Variants in CSMD2 observed in about 807,000 individuals in gnomAD.
CSMD2 encodes CUB and sushi domain-containing protein 2.
A neutral mutation model predicts 398.5 loss-of-function variants in CSMD2; 130 were observed. The observed-to-expected ratio is 0.33, with a 90% CI of 0.28 to 0.38. The LOEUF (loss-of-function observed/expected upper bound fraction) is 0.38. Among genes scored for constraint, CSMD2 ranks in the 10% least tolerant of loss-of-function variants. CSMD2 has a pLI of 1.00. For missense variants in CSMD2, 3,829 were observed against 4,764.9 expected, an observed-to-expected ratio of 0.80 and a Z score of 5.78; for synonymous variants, 1,828 against 1,908.5, an observed-to-expected ratio of 0.96 and a Z score of 1.10.
chr1:33,838,722 T>A (rs1202428520), intron 6 of CSMD2: 1 of 152,282 alleles, frequency 6.6e-6, no homozygotes, highest in Non-Finnish European at 1.5e-5. Context: ...TGAACAGAGA[T>A]AGGGAAGCCT....
At chr1:33,847,181 C>T (rs1281566785) in intron 5 of CSMD2, among the ~76,000 whole-genome samples, 185 bp from the exon 6 acceptor site, 1 of 152,126 alleles carries the variant, frequency 6.6e-6, no homozygotes, top group East Asian at 1.9e-4. Flanking sequence ...GAGATGGCTC[C>T]TCCAGGGTCT....
At chr1:33,918,981 T>A (rs1044627553) in intron 4 of CSMD2, among the ~76,000 whole-genome samples, 1 of 152,206 alleles carries the variant, frequency 6.6e-6, no homozygotes, top group Non-Finnish European at 1.5e-5. Flanking sequence ...ATCTTAAGGA[T>A]CAAAGGCAGT....
chr1:33,760,225 A>G (rs892616992), intron 13 of CSMD2, among the ~76,000 whole-genome samples: 1 of 152,116 alleles, frequency 6.6e-6, no homozygotes, highest in African/African-American at 2.4e-5. Flanking sequence ...CCAGGTGCTT[A>G]CCCCGGCCTT....
intron 25 of CSMD2, among the ~76,000 whole-genome samples, chr1:33,678,966 A>C (rs905006679): frequency 6.6e-5 from 10 of 152,262 alleles, no homozygotes; most frequent in South Asian, 2.1e-4. Flanking sequence ...TTAAGCTGTG[A>C]CCTTGTGCTT....
At chr1:33,733,885 G>A (rs1260194249) in intron 15 of CSMD2, among the ~76,000 whole-genome samples, 1 of 152,160 alleles carries the variant, frequency 6.6e-6, no homozygotes, top group Non-Finnish European at 1.5e-5. Flanking sequence ...TGTGAGAATG[G>A]ACTAATACAG....
chr1:33,918,243 G>T lies in CSMD2; in HGVS notation c.771C>A (p.His257Gln). 1 of 1,614,180 alleles carries T rather than the reference G, an allele frequency of 6.2e-7. No individual in the cohort carries two copies. The highest frequency in any genetic ancestry group is 8.5e-7 in the Non-Finnish European group (1 of 1,180,044). The change falls in exon 5 of 71, where the codon CAC (histidine) becomes CAA (glutamine). Residue 257 changes from histidine to glutamine, a missense_variant. Physicochemically the swap from His to Gln is conservative, Grantham distance 24. This residue lies in a region of CSMD2 where 2,001 missense variants were observed against 2,567.1 expected (regional missense o/e 0.78). Coordinates refer to ENST00000373381, the MANE Select transcript of CSMD2 (RefSeq NM_001281956.2). Reference protein sequence around the residue: ...RGQSGIISSPHFPSEYHNNAD... With the variant: ...RGQSGIISSPQFPSEYHNNAD... ...CATTGTTATGGTACTCCGAGGGGAA[G>T]TGGGGGCTGGAGATGATGCCACTCT...
At chr1:33,757,958 C>T (rs1335458740) in intron 13 of CSMD2, among the ~76,000 whole-genome samples, 2 of 152,162 alleles carry the variant, frequency 1.3e-5, no homozygotes, top group Admixed American at 6.5e-5. Flanking sequence ...TCCTCCATAT[C>T]GGCTCCAGGG....
At chr1:34,077,058 A>T (rs1228063315) in intron 2 of CSMD2, among the ~76,000 whole-genome samples, 1 of 150,382 alleles carries the variant, frequency 6.6e-6, no homozygotes, top group Admixed American at 6.6e-5. Flanking sequence ...CAGCTGGAGA[A>T]AGGTGAGGTT....
At position 33,537,444 on chromosome 1, in the gene CSMD2, C is replaced by T. The variant is rs560711626; in HGVS notation, c.9797G>A (p.Ser3266Asn). 4 of 1,612,090 alleles carry T rather than the reference C, an allele frequency of 2.5e-6. No individual in the cohort carries two copies. In the Admixed American group the frequency reaches 6.7e-5, roughly 27 times the overall value. ...TCCAGATGACCTCTCACCTATGCAG[C>T]TGGGCTGGGTGCCACTCCATGTCCC... ...SDGTWSGTQP[S>N]CIDPTLTTCA... The change falls in exon 61 of 71, where the codon AGC (serine) becomes AAC (asparagine). Residue 3266 changes from serine to asparagine, a missense_variant. By Grantham distance (46) the Ser-to-Asn change is conservative (BLOSUM62 1). Around this residue, in one of 5 missense-constraint regions of CSMD2, gnomAD observed 917 missense variants for 1,199.5 expected, o/e 0.76. Coordinates refer to ENST00000373381, the MANE Select transcript of CSMD2 (RefSeq NM_001281956.2). The surrounding 1 kb of genome is among the most constrained non-coding windows in gnomAD (Gnocchi z 4.6).
At chr1:34,152,641 G>T (rs896023594) in intron 1 of CSMD2, among the ~76,000 whole-genome samples, 2 of 152,162 alleles carry the variant, frequency 1.3e-5, no homozygotes, top group African/African-American at 4.8e-5. Context: ...GTCTCGGCTT[G>T]AACATCCTTC....
intron 1 of CSMD2, among the ~76,000 whole-genome samples, chr1:34,116,234 T>C (rs1166070248): frequency 6.6e-6 from 1 of 151,984 alleles, no homozygotes; most frequent in Non-Finnish European, 1.5e-5. Flanking sequence ...AGGACATACA[T>C]AAATGAAAAG....
chr1:33,950,465 A>G (rs1321396701), intron 3 of CSMD2, among the ~76,000 whole-genome samples: 4 of 150,862 alleles, frequency 2.7e-5, no homozygotes, highest in Non-Finnish European at 5.9e-5. Flanking sequence ...TTGGTGTTAC[A>G]TGAGCATGTG....
At chr1:33,791,094 C>G (rs1274391298) in intron 11 of CSMD2, among the ~76,000 whole-genome samples, 1 of 152,202 alleles carries the variant, frequency 6.6e-6, no homozygotes, top group Non-Finnish European at 1.5e-5. Flanking sequence ...CAGAAAAGAA[C>G]AGCCTCAGGA....
chr1:33,859,279 T>C (rs1054486083), intron 5 of CSMD2, among the ~76,000 whole-genome samples: 1 of 152,222 alleles, frequency 6.6e-6, no homozygotes, highest in Admixed American at 6.5e-5. Context: ...ACAATCCTTT[T>C]GCTTGCCTTT....
At chr1:34,141,053 C>T (rs1639245250) in intron 1 of CSMD2, among the ~76,000 whole-genome samples, 1 of 152,078 alleles carries the variant, frequency 6.6e-6, no homozygotes, top group African/African-American at 2.4e-5. Context: ...GGAGGCTCTT[C>T]CTGGGATACA....
At chr1:34,097,948 A>G (rs1659529985) in intron 1 of CSMD2, among the ~76,000 whole-genome samples, 5 of 133,838 alleles carry the variant, frequency 3.7e-5, no homozygotes, top group African/African-American at 1.5e-4. Context: ...ATGCTGCTAT[A>G]AAGACGCATG....
chr1:33,996,993 T>G (rs2148017482), intron 3 of CSMD2, among the ~76,000 whole-genome samples: 1 of 152,216 alleles, frequency 6.6e-6, no homozygotes, highest in East Asian at 1.9e-4. Context: ...GAAACTGAAG[T>G]TCAAGTCACT....
Position 33,724,719 on chromosome 1 carries a change from C to T in CSMD2, c.2696-15G>A. The T allele has an allele frequency of 1.9e-6, 3 of 1,611,330 alleles. No individual in the cohort carries two copies. The highest frequency in any genetic ancestry group is 2.2e-5 in the East Asian group (1 of 44,864). Reference sequence around the variant, plus strand: ...CAGTGTTATAGCTGAAAGAGAGAGGCCACAGCTGGGACAGACAGCTTACTG... The same window carrying T: ...CAGTGTTATAGCTGAAAGAGAGAGGTCACAGCTGGGACAGACAGCTTACTG... On this transcript the variant is annotated splice_polypyrimidine_tract_variant and intron_variant, in intron 17 of 70. Transcript: ENST00000373381.
chr1:33,934,516 T>C (rs916512583), intron 4 of CSMD2, among the ~76,000 whole-genome samples: 1 of 152,212 alleles, frequency 6.6e-6, no homozygotes, highest in African/African-American at 2.4e-5. Context: ...ATGTGATTGA[T>C]TGTTTTTCAA....
Sources: gnomAD v4.1 joint callset for allele counts (sites outside exome capture counted in the v4.1 genomes callset) on GRCh38, gnomAD v4.1.1 for gene constraint, gnomAD v4.1.1 regional missense constraint, Gnocchi (gnomAD v3.1) non-coding constraint, MANE v1.5 for transcripts, NCBI Gene and HGNC (gene_info 2026-07-23, HGNC 2026-07-21) for gene names.